Variants in ROBO1 observed in about 807,000 individuals in gnomAD.
ROBO1 encodes roundabout homolog 1.
A neutral mutation model predicts 195.9 loss-of-function variants in ROBO1; 149 were observed. The ratio of observed to expected loss-of-function variants is 0.76; its 90% CI spans 0.67 to 0.87. The LOEUF (loss-of-function observed/expected upper bound fraction) is 0.87, where lower values mean the gene tolerates loss of function less well. ROBO1 is among the 40% of genes least tolerant of loss of function. The probability of loss-of-function intolerance (pLI) is 0.00; values close to 1 mark genes in which losing one functional copy is unlikely to be tolerated. For synonymous variants in ROBO1, 816 were observed against 733.2 expected (o/e 1.11, Z -1.82); for missense variants, 1,933 against 2,068.3 (o/e 0.93, Z 1.27).
At chr3:79,644,101 A>C (rs1382846305) in intron 1 of ROBO1, among the ~76,000 whole-genome samples, 2 of 152,192 alleles carry the variant, frequency 1.3e-5, no homozygotes, top group African/African-American at 4.8e-5. Context: ...GATTGTAAAA[A>C]GATAATAAAA....
chr3:79,608,943 T>A (rs1944572323), intron 1 of ROBO1, among the ~76,000 whole-genome samples: 1 of 151,952 alleles, frequency 6.6e-6, no homozygotes, highest in Admixed American at 6.6e-5. Context: ...GGATTAAGTT[T>A]CTTATAAAGG....
At chr3:79,562,428 C>T (rs902682024) in intron 2 of ROBO1, among the ~76,000 whole-genome samples, 4 of 151,970 alleles carry the variant, frequency 2.6e-5, no homozygotes, top group Non-Finnish European at 4.4e-5. Flanking sequence ...TGAAAAAATG[C>T]TCATCATCAC....
Position 79,677,574 on chromosome 3 carries a change from G to A in ROBO1, c.-50-87613C>T, listed in dbSNP as rs561374248. Among the ~76,000 whole-genome samples, 18 of 152,144 alleles carry A rather than the reference G, an allele frequency of 1.2e-4. No homozygotes were observed. The South Asian group carries it at 3.7e-3, about 32-fold the overall frequency. On this transcript the variant is annotated intron_variant, in intron 1 of 30. Coordinates refer to ENST00000464233, the MANE Select transcript of ROBO1 (RefSeq NM_002941.4). Reference sequence around the variant, plus strand: ...GCCCCTGTGATTCAATTATCTCCTAGTGGGTCTCCCCCACAACACGTGGGA... The same window carrying A: ...GCCCCTGTGATTCAATTATCTCCTAATGGGTCTCCCCCACAACACGTGGGA...
intron 3 of ROBO1, among the ~76,000 whole-genome samples, chr3:78,957,575 T>C (rs1413502781): frequency 2.6e-5 from 4 of 152,108 alleles, no homozygotes; most frequent in Admixed American, 1.3e-4. Flanking sequence ...TCGACAAAAA[T>C]AAGCTTTCCT....
intron 4 of ROBO1, among the ~76,000 whole-genome samples, chr3:78,809,550 T>C (rs111387648): frequency 9.1e-4 from 138 of 150,994 alleles, no homozygotes; most frequent in African/African-American, 2.8e-3. Context: ...AATATGTTTA[T>C]TGAAGCACTG....
At position 78,659,733 on chromosome 3, in the gene ROBO1, G is replaced by A; in HGVS notation, c.2395C>T (p.Gln799Ter). 6.3e-7 allele frequency: 1 copy of A among 1,581,506 alleles called. No individual in the cohort carries two copies. The highest frequency in any genetic ancestry group is 8.6e-7 in the Non-Finnish European group (1 of 1,162,272). ...GNGTAILVSW[Q>*]PPPEDTQNGM... ...TTTTGAGTGTCTTCTGGAGGTGGCT[G>A]CCAACTAACTAGAATTGCAGTTCCG... Residue 799 changes from glutamine (Q) to a stop codon, truncating the protein, a stop_gained, in exon 17 of 31, where the codon CAG becomes TAG. Transcript: ENST00000464233. LOFTEE classifies it high-confidence loss of function.
intron 1 of ROBO1, among the ~76,000 whole-genome samples, chr3:79,618,734 C>T (rs1381545607): frequency 6.6e-6 from 1 of 152,124 alleles, no homozygotes; most frequent in Non-Finnish European, 1.5e-5. Context: ...ACATTTGGTG[C>T]CTCACTCCAT....
chr3:79,759,100 G>A (rs1224826384), intron 1 of ROBO1, among the ~76,000 whole-genome samples: 1 of 152,024 alleles, frequency 6.6e-6, no homozygotes, highest in African/African-American at 2.4e-5. Flanking sequence ...TCCAATACTT[G>A]TTTAGCACAA....
chr3:79,492,880 A>G (rs377715929), intron 2 of ROBO1, among the ~76,000 whole-genome samples: 1 of 152,082 alleles, frequency 6.6e-6, no homozygotes, highest in East Asian at 1.9e-4. Context: ...AGACCTTAAC[A>G]CTATTATTCT....
intron 4 of ROBO1, among the ~76,000 whole-genome samples, chr3:78,834,954 A>T (rs1177829399): frequency 5.9e-5 from 9 of 152,210 alleles, no homozygotes; most frequent in Admixed American, 5.9e-4. Flanking sequence ...GAAATTAAAA[A>T]GTGTAGAGTC....
chr3:79,660,434 A>G (rs1251004744), intron 1 of ROBO1, among the ~76,000 whole-genome samples: 1 of 152,128 alleles, frequency 6.6e-6, no homozygotes, highest in Non-Finnish European at 1.5e-5. Flanking sequence ...AGGAGTGGCT[A>G]CAATGCGATC....
chr3:78,614,634 G>A lies in ROBO1; in HGVS notation c.4435+14C>T. On this transcript the variant is annotated intron_variant, in intron 28 of 30. Transcript: ENST00000464233. ...GAGATTCATAGACGTTTTCATCCGT[G>A]TCAATGGACTCACCATCTGTGTAGG... 1 of 1,612,972 alleles carries A rather than the reference G, an allele frequency of 6.2e-7. No individual in the cohort carries two copies. The highest frequency in any genetic ancestry group is 8.5e-7 in the Non-Finnish European group (1 of 1,179,354).
At chr3:78,986,368 G>C (rs2077105962) in intron 3 of ROBO1, among the ~76,000 whole-genome samples, 1 of 151,130 alleles carries the variant, frequency 6.6e-6, no homozygotes, top group African/African-American at 2.4e-5. Flanking sequence ...ATTCAGTGAG[G>C]AAAAAAAGAA....
Position 78,811,212 on chromosome 3 carries a change from C to G in ROBO1, c.500-64312G>C, listed in dbSNP as rs1202069084. 2.0e-5 allele frequency among the ~76,000 whole-genome samples: 3 copies of G among 152,060 alleles called. No homozygotes were observed. The South Asian group carries it at 6.2e-4, about 31-fold the overall frequency. ...CCTGTGAGTCTGCTGGCTAAAGTGC[C>G]AAAATGATTTGGATTTCAATTTTGT... is the stretch of plus-strand genomic sequence containing the variant. On this transcript the variant is annotated intron_variant, in intron 4 of 30. Transcript: ENST00000464233.
At chr3:79,177,936 T>C (rs892830285) in intron 2 of ROBO1, among the ~76,000 whole-genome samples, 2 of 152,256 alleles carry the variant, frequency 1.3e-5, no homozygotes, top group African/African-American at 4.8e-5. Context: ...AGATTCTTTT[T>C]GAGAAACATT....
chr3:79,052,210 T>C (rs2078713502), intron 3 of ROBO1, among the ~76,000 whole-genome samples: 1 of 152,078 alleles, frequency 6.6e-6, no homozygotes, highest in Non-Finnish European at 1.5e-5. Context: ...GGGAGGTCTC[T>C]AAAATGGCCG....
At chr3:78,657,061 TGA>T in intron 18 of ROBO1, 35 bp downstream of exon 18, 1 of 1,544,170 alleles carries the variant, frequency 6.5e-7, no homozygotes, top group Non-Finnish European at 8.7e-7. Context: ...CATGGTAGAG[TGA>T]GAGATTGTCA....
intron 2 of ROBO1, among the ~76,000 whole-genome samples, chr3:79,151,886 C>T (rs1413963605): frequency 6.6e-6 from 1 of 151,842 alleles, no homozygotes; most frequent in Non-Finnish European, 1.5e-5. Context: ...TGTCACTATA[C>T]CACAAAGTTC....
rs1704013487 is a variant in ROBO1 at position 78,614,793 on chromosome 3, T to C, written c.4290A>G (p.Arg1430=). 6.2e-7 allele frequency: 1 copy of C among 1,605,970 alleles called. No homozygotes were observed. The highest frequency in any genetic ancestry group is 8.5e-7 in the Non-Finnish European group (1 of 1,176,970). The change falls in exon 28 of 31, where the codon CGA becomes CGG. Residue 1430 remains arginine, a synonymous_variant. Transcript: ENST00000464233. ...RRQMQDAAGR[R]HFHASQCPRP... is the part of the protein sequence containing the mutation. ...TAGGGCACTGAGACGCATGAAAATG[T>C]CGACGGCCTAAGGAGAAAAAAAAAA...
Sources: gnomAD v4.1 joint callset for allele counts (sites outside exome capture counted in the v4.1 genomes callset) on GRCh38, gnomAD v4.1.1 for gene constraint, MANE v1.5 for transcripts, NCBI Gene and HGNC (gene_info 2026-07-23, HGNC 2026-07-21) for gene names.